SRCIN1: variants seen among roughly 807,000 people sequenced by gnomAD.
The protein encoded by SRCIN1 is SRC kinase signaling inhibitor 1, also known as P130Cas-associated protein.
In SRCIN1, 50 loss-of-function variants were observed where a neutral mutation model predicts 116.2. The observed-to-expected ratio is 0.43, with a 90% CI of 0.34 to 0.54. The LOEUF is 0.54. Among genes scored for constraint, SRCIN1 ranks in the 20% least tolerant of loss-of-function variants. The pLI, the probability that SRCIN1 is intolerant of heterozygous loss-of-function variation, is 0.02. For synonymous variants in SRCIN1, 736 were observed against 750.0 expected, an observed-to-expected ratio of 0.98 and a Z score of 0.30; for missense variants, 1,446 against 1,672.0, an observed-to-expected ratio of 0.86 and a Z score of 2.36.
Position 38,546,144 on chromosome 17 carries a change from C to T in SRCIN1, c.3271-2175G>A, listed in dbSNP as rs1037275851. On this transcript the variant is annotated intron_variant, in intron 17 of 18. Coordinates refer to ENST00000617146, the MANE Select transcript of SRCIN1 (RefSeq NM_025248.3). The stretch of plus-strand genomic sequence containing the variant: ...GAGGGAAGCCCCAAGTACCACTCCC[C>T]GATGTGAGTGAATCCTGGTCTAACT... 1.4e-4 allele frequency among the ~76,000 whole-genome samples: 21 copies of T among 152,220 alleles called. 1 individual carries two copies. The highest frequency in any genetic ancestry group is 1.2e-3 in the Admixed American group (19 of 15,284).
intron 1 of SRCIN1, among the ~76,000 whole-genome samples, chr17:38,601,853 G>A (rs1286285684): frequency 2.6e-5 from 4 of 152,152 alleles, no homozygotes; most frequent in Admixed American, 2.6e-4. Context: ...AAAGGAAGGG[G>A]AGGCAGACAA....
intron 1 of SRCIN1, among the ~76,000 whole-genome samples, chr17:38,603,352 C>T (rs1039616713): frequency 1.3e-5 from 2 of 151,506 alleles, no homozygotes; most frequent in Non-Finnish European, 2.9e-5. Flanking sequence ...CCAGACCCTC[C>T]GCATTAGGCA....
At chr17:38,565,096 A>G (rs1906593002) in intron 3 of SRCIN1, among the ~76,000 whole-genome samples, 1 of 151,174 alleles carries the variant, frequency 6.6e-6, no homozygotes, top group East Asian at 2.0e-4. Context: ...GCTGAGGCTG[A>G]TATCTGGCTG....
chr17:38,534,283 C>T (rs2040969499), intron 18 of SRCIN1, among the ~76,000 whole-genome samples: 1 of 152,216 alleles, frequency 6.6e-6, no homozygotes, highest in South Asian at 2.1e-4. Context: ...CCAGGGGCCA[C>T]CCTCTGGCAT....
At chr17:38,583,280 GCCCAGGCTGGTCTCCACCT>G (rs1907922190) in intron 1 of SRCIN1, among the ~76,000 whole-genome samples, 1 of 152,052 alleles carries the variant, frequency 6.6e-6, no homozygotes, top group African/African-American at 2.4e-5. Context: ...TTGCCATGTG[GCCCAGGCTGGTCTCCACCT>G]CCTGAGCTCA....
Position 38,568,915 on chromosome 17 carries a change from A to G in SRCIN1, c.325-684T>C, listed in dbSNP as rs1162514510. Among the ~76,000 whole-genome samples the G allele has an allele frequency of 6.6e-6, 1 of 150,412 alleles. No individual in the cohort carries two copies. Among genetic ancestry groups the G allele is most frequent in the Non-Finnish European group, 1.5e-5 (1 of 67,694 alleles). On this transcript the variant is annotated intron_variant, in intron 2 of 18. Coordinates refer to ENST00000617146, the MANE Select transcript of SRCIN1 (RefSeq NM_025248.3). The surrounding 1 kb of genome is among the most constrained non-coding windows in gnomAD (Gnocchi z 4.5). ...CCCGGGGCAGAGGTGGATGGGGTGG[A>G]TCAGGATGGATGGGGCAGGGGTCGG...
At chr17:38,593,046 G>C (rs1908525603) in intron 1 of SRCIN1, among the ~76,000 whole-genome samples, 1 of 152,126 alleles carries the variant, frequency 6.6e-6, no homozygotes, top group South Asian at 2.1e-4. Flanking sequence ...GCAAAAGTAG[G>C]CTAGTGGGCT....
In SRCIN1 at chr17:38,563,310, G is replaced by A. The variant is rs368366018; in HGVS notation, c.740+13C>T. 1.3e-6 allele frequency: 2 copies of A among 1,562,950 alleles called. No homozygotes were observed. Among genetic ancestry groups the A allele is most frequent in the Non-Finnish European group, 1.7e-6 (2 of 1,153,028 alleles). On this transcript the variant is annotated intron_variant, in intron 5 of 18. Transcript: ENST00000617146. This position sits in a 1 kb window ranked among gnomAD's most constrained non-coding sequence, Gnocchi z 5.8. ...GGGGAAGCCCACCCAAATCCCCCCC[G>A]GTCCACGCCCACCGGACGTCCTCCA...
chr17:38,598,032 C>A (rs1330800576), intron 1 of SRCIN1, among the ~76,000 whole-genome samples: 2 of 152,106 alleles, frequency 1.3e-5, no homozygotes, highest in Admixed American at 1.3e-4. Flanking sequence ...CAGGAAGCCC[C>A]GCACAAGCCC....
chr17:38,568,302 T>A lies in SRCIN1; in HGVS notation c.325-71A>T. The stretch of plus-strand genomic sequence containing the variant: ...AGGGGAAAAGAGGGGCAGGGGCAGG[T>A]TAGAGACCCTTGGAACTCAGCACTC... On this transcript the variant is annotated intron_variant, in intron 2 of 18. Coordinates refer to ENST00000617146, the MANE Select transcript of SRCIN1 (RefSeq NM_025248.3). This position sits in a 1 kb window ranked among gnomAD's most constrained non-coding sequence, Gnocchi z 4.5. 1 of 1,513,220 alleles carries A rather than the reference T, an allele frequency of 6.6e-7. No individual in the cohort carries two copies. The highest frequency in any genetic ancestry group is 2.3e-5 in the East Asian group (1 of 43,528). The allele number at this position is 1,513,220 out of a possible 1,614,324, so 93.7% of individuals were successfully genotyped here.
At position 38,564,004 on chromosome 17, in the gene SRCIN1, G is replaced by C. The variant is rs1414820907; in HGVS notation, c.541+114C>G. 4 of 1,229,780 alleles carry C rather than the reference G, an allele frequency of 3.3e-6. No individual in the cohort carries two copies. In the East Asian group the frequency reaches 1.0e-4, roughly 31 times the overall value. 76.2% of individuals were successfully genotyped at this position (1,229,780 alleles called of 1,614,324 possible). A position where few individuals can be genotyped will look rare whatever the true frequency, so the allele number is the denominator to read the frequency against. On this transcript the variant is annotated intron_variant, in intron 4 of 18. Transcript: ENST00000617146. ...CTTGGGGAGAAGGGGCTGTGGGAAA[G>C]AGAGCAGAGCTTGAGGCGAGCTGGC...
Position 38,562,163 on chromosome 17 carries a change from C to A in SRCIN1, c.1000G>T (p.Gly334Trp). The A allele has an allele frequency of 7.3e-7, 1 of 1,368,484 alleles. No homozygotes were observed. The highest frequency in any genetic ancestry group is 9.4e-7 in the Non-Finnish European group (1 of 1,068,900). 84.8% of individuals were successfully genotyped at this position (1,368,484 alleles called of 1,614,324 possible). ...SPSRSRLSYA[G>W]GRPPSYAGSP... The stretch of plus-strand genomic sequence containing the variant: ...CCGGCGTACGAAGGCGGGCGCCCCC[C>A]GGCGTACGATAGGCGCGAACGCGAC... The change falls in exon 7 of 19, where the codon GGG becomes TGG. Residue 334 changes from glycine to tryptophan, a missense_variant. Physicochemically the swap from Gly to Trp is radical, Grantham distance 184 (BLOSUM62 -2). Around this residue, in one of 5 missense-constraint regions of SRCIN1, gnomAD observed 239 missense variants for 317.7 expected, o/e 0.75. Transcript: ENST00000617146. This position sits in a 1 kb window ranked among gnomAD's most constrained non-coding sequence, Gnocchi z 4.2.
rs1906855166 is a variant in SRCIN1, at chr17:38,568,344, C to T, written c.325-113G>A. 4.1e-6 allele frequency: 4 copies of T among 969,684 alleles called. No individual in the cohort carries two copies. Among genetic ancestry groups the T allele is most frequent in the Non-Finnish European group, 6.5e-6 (4 of 618,290 alleles). 60.1% of individuals were successfully genotyped at this position (969,684 alleles called of 1,614,324 possible). A position where few individuals can be genotyped will look rare whatever the true frequency, so the allele number is the denominator to read the frequency against. On this transcript the variant is annotated intron_variant, in intron 2 of 18. Coordinates refer to ENST00000617146, the MANE Select transcript of SRCIN1 (RefSeq NM_025248.3). This position sits in a 1 kb window ranked among gnomAD's most constrained non-coding sequence, Gnocchi z 4.5. Reference sequence around the variant, plus strand: ...TCAGCACTCAGCCCTAGGACAAGGGCCCTCCACCCTCCCAGGAGCAGGAAT... The same window carrying T: ...TCAGCACTCAGCCCTAGGACAAGGGTCCTCCACCCTCCCAGGAGCAGGAAT...
At position 38,559,623 on chromosome 17, in the gene SRCIN1, C is replaced by T. The variant is rs1668660728; in HGVS notation, c.1987G>A (p.Asp663Asn). The T allele has an allele frequency of 1.9e-6, 3 of 1,602,934 alleles. No homozygotes were observed. Among genetic ancestry groups the T allele is most frequent in the African/African-American group, 2.7e-5 (2 of 74,804 alleles). ...HLRGLQNSAS[D>N]LRGQLQQLRK... Reference sequence around the variant, plus strand: ...AACTGCTGGAGCTGGCCGCGCAAGTCACTGGCGCTGTTCTGCAGGCCTCGC... The same window carrying T: ...AACTGCTGGAGCTGGCCGCGCAAGTTACTGGCGCTGTTCTGCAGGCCTCGC... Residue 663 changes from aspartate (D) to asparagine (N), a missense_variant, in exon 10 of 19, where the codon GAC becomes AAC. Coordinates refer to ENST00000617146, the MANE Select transcript of SRCIN1 (RefSeq NM_025248.3).
rs1427258331 is a variant in SRCIN1 at position 38,558,176 on chromosome 17, G to A, written c.2201+51C>T. The A allele has an allele frequency of 6.3e-7, 1 of 1,588,412 alleles. No individual in the cohort carries two copies. The highest frequency in any genetic ancestry group is 1.7e-5 in the Admixed American group (1 of 58,230). ...GCCTCCCAGGGAAACCAGGTTGCGG[G>A]TCACTCCAGCCGCACCCCCACCCCT... is the stretch of plus-strand genomic sequence containing the variant. On this transcript the variant is annotated intron_variant, in intron 11 of 18. Coordinates refer to ENST00000617146, the MANE Select transcript of SRCIN1 (RefSeq NM_025248.3). This position sits in a 1 kb window ranked among gnomAD's most constrained non-coding sequence, Gnocchi z 4.6.
intron 1 of SRCIN1, among the ~76,000 whole-genome samples, chr17:38,592,589 C>T (rs1908499860): frequency 6.6e-6 from 1 of 152,216 alleles, no homozygotes; most frequent in Admixed American, 6.5e-5. Flanking sequence ...TCCTCCAGGC[C>T]TCAGTTTCCC....
At chr17:38,577,601 CCCCTCAGT>C (rs1907497303) in intron 2 of SRCIN1, among the ~76,000 whole-genome samples, 1 of 152,198 alleles carries the variant, frequency 6.6e-6, no homozygotes, top group South Asian at 2.1e-4. Flanking sequence ...GTGCATCCCT[CCCCTCAGT>C]CCCTTCACCC....
At chr17:38,537,843 T>C (rs1008748162) in intron 18 of SRCIN1, among the ~76,000 whole-genome samples, 4 of 150,410 alleles carry the variant, frequency 2.7e-5, no homozygotes, top group African/African-American at 9.8e-5. Context: ...GGTTCACACC[T>C]GTAATCCCAG....
Position 38,558,121 on chromosome 17 carries a change from C to A in SRCIN1, c.2201+106G>T, listed in dbSNP as rs1905923103. 1 of 1,322,824 alleles carries A rather than the reference C, an allele frequency of 7.6e-7. No individual in the cohort carries two copies. Among genetic ancestry groups the A allele is most frequent in the Non-Finnish European group, 1.0e-6 (1 of 952,494 alleles). The allele number at this position is 1,322,824 out of a possible 1,614,324, so 81.9% of individuals were successfully genotyped here. ...AATCAGGCTTCAGAACAGACCAACG[C>A]CACCTGTGACTCAGAGGGAAGGGAG... is the stretch of plus-strand genomic sequence containing the variant. On this transcript the variant is annotated intron_variant, in intron 11 of 18. Coordinates refer to ENST00000617146, the MANE Select transcript of SRCIN1 (RefSeq NM_025248.3). This position sits in a 1 kb window ranked among gnomAD's most constrained non-coding sequence, Gnocchi z 4.6.
Sources: allele counts gnomAD v4.1 joint callset (sites outside exome capture counted in the v4.1 genomes callset), GRCh38; gene constraint gnomAD v4.1.1; regional missense constraint gnomAD v4.1.1; non-coding constraint Gnocchi (gnomAD v3.1); transcripts MANE v1.5; gene names NCBI Gene and HGNC (gene_info 2026-07-23, HGNC 2026-07-21).